SCN10A: variants seen among roughly 807,000 people sequenced by gnomAD.
The protein encoded by SCN10A is sodium channel protein type 10 subunit alpha.
SCN10A carries 162 observed loss-of-function variants against 170.7 expected under a neutral mutation model. The ratio of observed to expected loss-of-function variants is 0.95; its 90% CI spans 0.84 to 1.08. The LOEUF (loss-of-function observed/expected upper bound fraction) is 1.08, where lower values mean the gene tolerates loss of function less well. Among genes scored for constraint, SCN10A ranks in the 50% least tolerant of loss-of-function variants. SCN10A has a pLI of 0.00. For synonymous variants in SCN10A, 985 were observed against 904.6 expected, an observed-to-expected ratio of 1.09 and a Z score of -1.59; for missense variants, 2,527 against 2,436.9, an observed-to-expected ratio of 1.04 and a Z score of -0.78.
chr3:38,790,282 G>A (rs935212994), intron 3 of SCN10A, among the ~76,000 whole-genome samples: 1 of 151,812 alleles, frequency 6.6e-6, no homozygotes, highest in Non-Finnish European at 1.5e-5. Context: ...ATTAATAATA[G>A]GGCCCTGAGA....
At chr3:38,764,498 T>C (rs535808196) in intron 5 of SCN10A, among the ~76,000 whole-genome samples, 1 of 152,194 alleles carries the variant, frequency 6.6e-6, no homozygotes, top group Non-Finnish European at 1.5e-5. Context: ...TTACTTCATT[T>C]AGAATAATAG....
intron 11 of SCN10A, among the ~76,000 whole-genome samples, chr3:38,754,300 G>A (rs1401916147): frequency 1.3e-5 from 2 of 152,182 alleles, no homozygotes; most frequent in Non-Finnish European, 1.5e-5. Flanking sequence ...CACCATGTAT[G>A]TGTCTCTAAT....
At chr3:38,729,237 G>T (rs1289546282) in intron 15 of SCN10A, among the ~76,000 whole-genome samples, 1 of 152,110 alleles carries the variant, frequency 6.6e-6, no homozygotes, top group African/African-American at 2.4e-5. Flanking sequence ...GTGGAGGTGG[G>T]GTGGGTGTGA....
At position 38,741,680 on chromosome 3, in the gene SCN10A, C is replaced by G. The variant is rs148715852; in HGVS notation, c.2106+611G>C. The stretch of plus-strand genomic sequence containing the variant: ...TCTTGTTAAGAGTAAATAATACTAA[C>G]AAGTGATGGAGGAAAATTTAAAGCA... On this transcript the variant is annotated intron_variant, in intron 14 of 27. Coordinates refer to ENST00000449082, the MANE Select transcript of SCN10A (RefSeq NM_006514.4). Among the ~76,000 whole-genome samples, 648 of 152,252 alleles carry G rather than the reference C, an allele frequency of 4.3e-3. 1 individual carries two copies. The highest frequency in any genetic ancestry group is 5.8e-3 in the Non-Finnish European group (394 of 68,024).
At position 38,787,180 on chromosome 3, in the gene SCN10A, G is replaced by A. The variant is rs576632316; in HGVS notation, c.470+1776C>T. Among the ~76,000 whole-genome samples the A allele has an allele frequency of 5.3e-5, 8 of 151,906 alleles. No homozygotes were observed. In the South Asian group the frequency reaches 1.7e-3, roughly 32 times the overall value. ...GAGAACATGTCTCCCCACTGATTTG[G>A]TTTTCTTTAAAAACTTTACACAATA... On this transcript the variant is annotated intron_variant, in intron 4 of 27. Transcript: ENST00000449082.
At chr3:38,715,822 G>A (rs2063328961) in intron 21 of SCN10A, among the ~76,000 whole-genome samples, 1 of 152,184 alleles carries the variant, frequency 6.6e-6, no homozygotes, top group Non-Finnish European at 1.5e-5. Flanking sequence ...AGACTAAAGT[G>A]TAAGATCCTG....
At chr3:38,779,265 C>T (rs1034317764) in intron 4 of SCN10A, among the ~76,000 whole-genome samples, 7 of 152,002 alleles carry the variant, frequency 4.6e-5, no homozygotes, top group Non-Finnish European at 1.0e-4. Flanking sequence ...CAAATGAAAT[C>T]TGTTCAGCTA....
At chr3:38,808,287 CT>C (rs2064418335) in intron 1 of SCN10A, among the ~76,000 whole-genome samples, 1 of 152,102 alleles carries the variant, frequency 6.6e-6, no homozygotes, top group Non-Finnish European at 1.5e-5. Context: ...CTTCTTTCCC[CT>C]GGGTGACTTC....
In SCN10A at chr3:38,698,112, G is replaced by A; in HGVS notation, c.5108C>T (p.Thr1703Ile). The A allele has an allele frequency of 6.2e-7, 1 of 1,614,120 alleles. No individual in the cohort carries two copies. Among genetic ancestry groups the A allele is most frequent in the Admixed American group, 1.7e-5 (1 of 60,024 alleles). ...GAGGAAGGAGATGATGATGTAGGTG[G>A]TGAAGAAGATGATGCCTACGGCTGG... is the stretch of plus-strand genomic sequence containing the variant. Reference protein sequence around the residue: ...GSPAVGIIFFTTYIIISFLIM... With the variant: ...GSPAVGIIFFITYIIISFLIM... The change falls in exon 28 of 28, where the codon ACC (threonine) becomes ATC (isoleucine). Residue 1703 changes from threonine to isoleucine, a missense_variant. By Grantham distance (89) the Thr-to-Ile change is moderately conservative. Coordinates refer to ENST00000449082, the MANE Select transcript of SCN10A (RefSeq NM_006514.4).
At chr3:38,798,270 T>G (rs2126063591) in intron 1 of SCN10A, among the ~76,000 whole-genome samples, 1 of 152,302 alleles carries the variant, frequency 6.6e-6, no homozygotes, top group East Asian at 1.9e-4. Context: ...CTACCAGTCC[T>G]GTCCCTTATT....
rs561959910 is a variant in SCN10A, at chr3:38,788,216, CAAAAAAAA to C, written c.470+732_470+739del. Among the ~76,000 whole-genome samples the C allele has an allele frequency of 8.8e-3, 859 of 97,874 alleles. 6 individuals carry two copies. Among genetic ancestry groups the C allele is most frequent in the South Asian group, 0.014 (38 of 2,754 alleles). The allele number at this position is 97,874 out of a possible 152,430, so 64.2% of individuals were successfully genotyped here. ...TGGCATGCATTACTGTTATGATTAGCAAAAAAAAAAAAAAAAAAAAAAAGAAAGCTCTG... is the reference window on the plus strand; with the variant it reads ...TGGCATGCATTACTGTTATGATTAGCAAAAAAAAAAAAAAAGAAAGCTCTG... On this transcript the variant is annotated intron_variant, in intron 4 of 27. Transcript: ENST00000449082.
intron 27 of SCN10A, among the ~76,000 whole-genome samples, chr3:38,700,450 C>CAATA (rs1239602100): frequency 2.0e-5 from 3 of 151,988 alleles, no homozygotes; most frequent in Admixed American, 1.3e-4. Context: ...TCCTAGCACC[C>CAATA]AATAAATAAA....
chr3:38,757,911 C>G (rs2126029395), intron 8 of SCN10A, among the ~76,000 whole-genome samples: 1 of 152,310 alleles, frequency 6.6e-6, no homozygotes, highest in African/African-American at 2.4e-5. Context: ...GAGTCGATGT[C>G]AAGAAGCATC....
At position 38,752,233 on chromosome 3, in the gene SCN10A, C is replaced by A; in HGVS notation, c.1741G>T (p.Ala581Ser). The change falls in exon 12 of 28, where the codon GCT becomes TCT. Residue 581 changes from alanine to serine, a missense_variant. Ala to Ser is a moderately conservative substitution (Grantham distance 99). Coordinates refer to ENST00000449082, the MANE Select transcript of SCN10A (RefSeq NM_006514.4). ...CACAAACTCACCGAGACATCGACAG[C>A]TCCAGGGGCAAGCTCACTAGTGGGC... ...PPPTSELAPG[A>S]VDVSAFDAGQ... 2.0e-6 allele frequency: 3 copies of A among 1,537,620 alleles called. No homozygotes were observed. In the South Asian group the frequency reaches 3.8e-5, roughly 19 times the overall value.
chr3:38,771,542 GA>G (rs1407301742), intron 4 of SCN10A, 135 bp from the exon 5 acceptor site: 4 of 843,760 alleles, frequency 4.7e-6, no homozygotes, highest in Non-Finnish European at 7.5e-6. Flanking sequence ...CCAAGGTGAT[GA>G]GGGGGAAGAA....
At chr3:38,764,120 A>G (rs1266393901) in intron 5 of SCN10A, among the ~76,000 whole-genome samples, 1 of 152,244 alleles carries the variant, frequency 6.6e-6, no homozygotes, top group Non-Finnish European at 1.5e-5. Context: ...GAGCCTGGAT[A>G]CACCCATAAG....
intron 4 of SCN10A, among the ~76,000 whole-genome samples, chr3:38,784,612 G>C (rs149229532): frequency 1.1e-3 from 160 of 152,180 alleles, no homozygotes; most frequent in African/African-American, 3.7e-3. Flanking sequence ...ATTCAACATA[G>C]TATTGGAAGT....
intron 1 of SCN10A, among the ~76,000 whole-genome samples, chr3:38,795,506 G>A (rs191661504): frequency 6.6e-6 from 1 of 151,618 alleles, no homozygotes; most frequent in Non-Finnish European, 1.5e-5. Context: ...CACTCGGCTA[G>A]TTTTGAAAAA....
chr3:38,714,883 G>T (rs557209188), intron 21 of SCN10A, among the ~76,000 whole-genome samples: 103 of 152,236 alleles, frequency 6.8e-4, no homozygotes, highest in African/African-American at 2.5e-3. Context: ...TCATAGATAC[G>T]GGCTATGACC....
Sources: gnomAD v4.1 joint callset for allele counts (sites outside exome capture counted in the v4.1 genomes callset) on GRCh38, gnomAD v4.1.1 for gene constraint, MANE v1.5 for transcripts, NCBI Gene and HGNC (gene_info 2026-07-23, HGNC 2026-07-21) for gene names.